MTHFD1L: variants seen among roughly 807,000 people sequenced by gnomAD.
MTHFD1L encodes methylenetetrahydrofolate dehydrogenase (NADP+ dependent) 1 like.
MTHFD1L carries 81 observed loss-of-function variants against 119.5 expected under a neutral mutation model. That is an observed-to-expected ratio of 0.68 (90% CI 0.57 to 0.82). The LOEUF is 0.82. MTHFD1L is among the 40% of genes least tolerant of loss of function. The probability of loss-of-function intolerance (pLI) is 0.00; values close to 1 mark genes in which losing one functional copy is unlikely to be tolerated. For synonymous variants in MTHFD1L, 430 were observed against 475.2 expected (o/e 0.90, Z 1.24); for missense variants, 1,125 against 1,253.4 (o/e 0.90, Z 1.55).
intron 26 of MTHFD1L, among the ~76,000 whole-genome samples, chr6:151,053,133 C>T (rs1463297326): frequency 6.6e-6 from 1 of 152,192 alleles, no homozygotes; most frequent in Admixed American, 6.5e-5. Flanking sequence ...AGATACCATG[C>T]AGTATTTGTC....
At chr6:150,939,697 T>TTTTTTTTTTTTTG (rs1417723265) in intron 13 of MTHFD1L, among the ~76,000 whole-genome samples, 8 of 149,596 alleles carry the variant, frequency 5.3e-5, no homozygotes, top group Non-Finnish European at 1.2e-4. Flanking sequence ...TTTTTTTTTT[T>TTTTTTTTTTTTTG]TTTTTGAGAC....
chr6:150,908,862 C>T (rs9688765), intron 8 of MTHFD1L, among the ~76,000 whole-genome samples: 7,318 of 151,650 alleles, frequency 0.048, 608 homozygotes, highest in African/African-American at 0.17. Flanking sequence ...AATCCCACTA[C>T]TGTAAAGAAA....
intron 17 of MTHFD1L, among the ~76,000 whole-genome samples, chr6:150,959,380 G>T (rs1431149082): frequency 1.3e-5 from 2 of 152,212 alleles, no homozygotes; most frequent in Non-Finnish European, 2.9e-5. Flanking sequence ...GGGGCGTAAT[G>T]AAGTGGTTCT....
At chr6:150,993,758 C>T (rs1370687676) in intron 20 of MTHFD1L, among the ~76,000 whole-genome samples, 1 of 152,110 alleles carries the variant, frequency 6.6e-6, no homozygotes, top group Non-Finnish European at 1.5e-5. Context: ...TCCTTCCTCT[C>T]TGTTTCCTTC....
At chr6:150,897,830 G>T (rs1307019703) in intron 7 of MTHFD1L, among the ~76,000 whole-genome samples, 1 of 152,042 alleles carries the variant, frequency 6.6e-6, no homozygotes, top group Non-Finnish European at 1.5e-5. Context: ...TTTTAAGGTC[G>T]TGGAATTAGA....
intron 8 of MTHFD1L, among the ~76,000 whole-genome samples, chr6:150,916,384 C>G (rs9478146): frequency 8.1e-6 from 1 of 122,896 alleles, no homozygotes; most frequent in South Asian, 3.0e-4. Flanking sequence ...TCACCGCAAT[C>G]TCCGCCTCCC....
intron 26 of MTHFD1L, among the ~76,000 whole-genome samples, chr6:151,087,823 A>C (rs2128643527): frequency 6.6e-6 from 1 of 152,360 alleles, no homozygotes; most frequent in Admixed American, 6.5e-5. Flanking sequence ...GTAGAGATTC[A>C]GAAGCTTCAT....
At chr6:151,045,469 G>T (rs1389709780) in intron 26 of MTHFD1L, among the ~76,000 whole-genome samples, 2 of 152,178 alleles carry the variant, frequency 1.3e-5, no homozygotes, top group Non-Finnish European at 2.9e-5. Flanking sequence ...GAAACCTTGA[G>T]CTTATTTTAC....
At chr6:151,086,286 ATCTC>A (rs532230112) in intron 26 of MTHFD1L, among the ~76,000 whole-genome samples, 4 of 150,618 alleles carry the variant, frequency 2.7e-5, no homozygotes, top group Middle Eastern at 3.5e-3. Flanking sequence ...CTCTCCCCTC[ATCTC>A]TCTCTCTCTC....
intron 20 of MTHFD1L, among the ~76,000 whole-genome samples, chr6:151,002,672 A>G (rs1780783277): frequency 6.6e-6 from 1 of 152,188 alleles, no homozygotes; most frequent in South Asian, 2.1e-4. Flanking sequence ...CGCTGGACGG[A>G]ATTTTTACTG....
Position 150,891,891 on chromosome 6 carries a change from C to T in MTHFD1L, c.780+3910C>T, listed in dbSNP as rs551162496. ...AACTACAGAATGTGATCTAAAAATA[C>T]ATGTTCCTCATGTTGCAGGGTGAGA... On this transcript the variant is annotated intron_variant, in intron 7 of 27. Transcript: ENST00000367321. Among the ~76,000 whole-genome samples the T allele has an allele frequency of 6.6e-5, 10 of 152,278 alleles. 1 individual carries two copies. The South Asian group carries it at 2.1e-3, about 32-fold the overall frequency.
At chr6:151,089,004 G>A (rs1333753912) in intron 26 of MTHFD1L, among the ~76,000 whole-genome samples, 1 of 152,192 alleles carries the variant, frequency 6.6e-6, no homozygotes, top group Admixed American at 6.5e-5. Context: ...CAGACGAGCT[G>A]AAATACACTG....
intron 21 of MTHFD1L, among the ~76,000 whole-genome samples, chr6:151,012,186 G>A (rs1782378433): frequency 1.3e-5 from 2 of 151,994 alleles, no homozygotes; most frequent in African/African-American, 4.8e-5. Context: ...TGAGTTTAGG[G>A]ACTGTGTCTT....
chr6:150,949,440 GA>G (rs542190597), intron 16 of MTHFD1L, among the ~76,000 whole-genome samples: 3,446 of 142,904 alleles, frequency 0.024, 39 homozygotes, highest in Middle Eastern at 0.055. Context: ...TCTATATTAA[GA>G]AAAAAAAAAA....
intron 13 of MTHFD1L, among the ~76,000 whole-genome samples, chr6:150,944,116 C>T (rs540510943): frequency 2.0e-5 from 3 of 152,270 alleles, no homozygotes; most frequent in East Asian, 1.9e-4. Context: ...TTTAGGCATT[C>T]CTATAGACTC....
intron 13 of MTHFD1L, among the ~76,000 whole-genome samples, chr6:150,939,874 G>A (rs1441108022): frequency 1.3e-5 from 2 of 151,714 alleles, no homozygotes; most frequent in African/African-American, 2.4e-5. Context: ...TAGTAGAGAC[G>A]GGGTTTCACC....
At chr6:150,871,910 CTCTT>C (rs1364517755) in intron 1 of MTHFD1L, among the ~76,000 whole-genome samples, 1 of 149,588 alleles carries the variant, frequency 6.7e-6, no homozygotes, top group Non-Finnish European at 1.5e-5. Flanking sequence ...GACAGTCTCA[CTCTT>C]TCACCCAGGC....
chr6:150,961,464 A>G (rs1796445639), intron 18 of MTHFD1L, among the ~76,000 whole-genome samples: 1 of 152,204 alleles, frequency 6.6e-6, no homozygotes, highest in South Asian at 2.1e-4. Context: ...ATATAAGTGC[A>G]TGGGTGTGGA....
At chr6:150,913,452 AC>A (rs1265678080) in intron 8 of MTHFD1L, among the ~76,000 whole-genome samples, 1 of 151,942 alleles carries the variant, frequency 6.6e-6, no homozygotes, top group Admixed American at 6.6e-5. Flanking sequence ...GGCGTGAGCC[AC>A]CGCGCCCAGT....
Sources: allele counts gnomAD v4.1 joint callset (sites outside exome capture counted in the v4.1 genomes callset), GRCh38; gene constraint gnomAD v4.1.1; transcripts MANE v1.5; gene names NCBI Gene and HGNC (gene_info 2026-07-23, HGNC 2026-07-21).